PTPRD: variants seen among roughly 807,000 people sequenced by gnomAD.
PTPRD encodes the protein receptor-type tyrosine-protein phosphatase delta.
Under a neutral mutation model 214.5 loss-of-function variants are expected in PTPRD, and 34 were observed. The ratio of observed to expected loss-of-function variants is 0.16; its 90% confidence interval spans 0.12 to 0.21. The LOEUF is 0.21. Ranked by LOEUF, PTPRD falls within the 10% of genes least tolerant of loss-of-function variation. The pLI, the probability that PTPRD is intolerant of heterozygous loss-of-function variation, is 1.00. For synonymous variants in PTPRD, 1,128 were observed against 845.7 expected (o/e 1.33, Z -5.79); for missense variants, 2,545 against 2,398.7 (o/e 1.06, Z -1.27).
intron 8 of PTPRD, among the ~76,000 whole-genome samples, chr9:9,519,917 T>C (rs1360880819): frequency 6.6e-6 from 1 of 152,054 alleles, no homozygotes; most frequent in Non-Finnish European, 1.5e-5. Context: ...TCACATCTTA[T>C]AAAGTTACTG....
At chr9:9,905,636 A>G (rs1464862130) in intron 5 of PTPRD, among the ~76,000 whole-genome samples, 2 of 152,024 alleles carry the variant, frequency 1.3e-5, no homozygotes, top group African/African-American at 4.8e-5. Context: ...GACATGCTAT[A>G]AAACTCAGCA....
intron 2 of PTPRD, among the ~76,000 whole-genome samples, chr9:10,489,974 C>T (rs1183872567): frequency 6.6e-6 from 1 of 152,146 alleles, no homozygotes. Flanking sequence ...TGAGTGCTCA[C>T]TTGATTTTTG....
intron 9 of PTPRD, among the ~76,000 whole-genome samples, chr9:9,252,368 A>G (rs1175894840): frequency 2.0e-5 from 3 of 152,062 alleles, no homozygotes; most frequent in African/African-American, 7.2e-5. Context: ...TTAAATTTGC[A>G]TAACACACCT....
At chr9:8,610,712 T>G (rs1001577052) in intron 14 of PTPRD, among the ~76,000 whole-genome samples, 2 of 152,212 alleles carry the variant, frequency 1.3e-5, no homozygotes, top group African/African-American at 4.8e-5. Flanking sequence ...ATTCACTGTT[T>G]GAAGTTACAG....
At chr9:9,804,681 G>T (rs978396034) in intron 5 of PTPRD, among the ~76,000 whole-genome samples, 1 of 151,846 alleles carries the variant, frequency 6.6e-6, no homozygotes, top group Non-Finnish European at 1.5e-5. Flanking sequence ...GAACATAAAG[G>T]CATTTAATCT....
intron 9 of PTPRD, among the ~76,000 whole-genome samples, chr9:9,272,692 T>C (rs1943434485): frequency 6.6e-6 from 1 of 151,352 alleles, no homozygotes; most frequent in Admixed American, 6.6e-5. Context: ...TGCCTACTCT[T>C]ATTACTCCTT....
chr9:10,586,018 T>A (rs934786850), intron 2 of PTPRD, among the ~76,000 whole-genome samples: 2 of 152,062 alleles, frequency 1.3e-5, no homozygotes, highest in African/African-American at 4.8e-5. Flanking sequence ...AAATGTTGTA[T>A]GAGAAATTCA....
chr9:9,972,955 A>G (rs952998563), intron 4 of PTPRD, among the ~76,000 whole-genome samples: 1 of 152,128 alleles, frequency 6.6e-6, no homozygotes, highest in Non-Finnish European at 1.5e-5. Flanking sequence ...TAGCATATTC[A>G]CAGGTTCTTA....
rs1197262900 is a variant in PTPRD at position 8,317,728 on chromosome 9, T to TTTAA, written c.*142_*145dup. Reference sequence around the variant, plus strand: ...CTTGGTCCACCTGGAATAATTTGTTTTTAATTTGTTTTGTGTGTAATAGTC... The same window carrying TTTAA: ...CTTGGTCCACCTGGAATAATTTGTTTTTAATTAATTTGTTTTGTGTGTAATAGTC... On this transcript the variant is annotated 3_prime_UTR_variant, in exon 46 of 46. Coordinates refer to ENST00000381196, the MANE Select transcript of PTPRD (RefSeq NM_002839.4). The TTTAA allele has an allele frequency of 6.6e-6, 4 of 602,548 alleles. No individual in the cohort carries two copies. Among genetic ancestry groups the TTTAA allele is most frequent in the Middle Eastern group, 3.2e-4 (1 of 3,078 alleles). The allele number at this position is 602,548 out of a possible 1,614,324, so 37.3% of individuals were successfully genotyped here. A position where few individuals can be genotyped will look rare whatever the true frequency, so the allele number is the denominator to read the frequency against.
intron 6 of PTPRD, among the ~76,000 whole-genome samples, chr9:9,744,979 T>C (rs2098442893): frequency 6.6e-6 from 1 of 152,102 alleles, no homozygotes; most frequent in African/African-American, 2.4e-5. Flanking sequence ...TTGAATCTCA[T>C]TTCCATAATC....
At chr9:9,836,245 C>G (rs1199187097) in intron 5 of PTPRD, among the ~76,000 whole-genome samples, 1 of 152,080 alleles carries the variant, frequency 6.6e-6, no homozygotes, top group African/African-American at 2.4e-5. Context: ...TATGAGTGCT[C>G]CATGTACAAG....
At chr9:8,731,991 A>C (rs1202234418) in intron 12 of PTPRD, among the ~76,000 whole-genome samples, 5 of 152,234 alleles carry the variant, frequency 3.3e-5, no homozygotes, top group Non-Finnish European at 7.3e-5. Flanking sequence ...ATCACAAAAC[A>C]TACAGCATGA....
At chr9:8,322,933 C>T (rs1041182113) in intron 44 of PTPRD, among the ~76,000 whole-genome samples, 2 of 152,074 alleles carry the variant, frequency 1.3e-5, no homozygotes, top group Non-Finnish European at 2.9e-5. Context: ...AATCCTAGGG[C>T]TCTCAAGAAT....
intron 3 of PTPRD, among the ~76,000 whole-genome samples, chr9:10,043,737 A>C (rs976929484): frequency 6.6e-6 from 1 of 151,876 alleles, no homozygotes; most frequent in Non-Finnish European, 1.5e-5. Context: ...CTAGGTAAGG[A>C]TGAAGCCACT....
At chr9:9,541,492 T>C (rs546829896) in intron 8 of PTPRD, among the ~76,000 whole-genome samples, 1 of 151,936 alleles carries the variant, frequency 6.6e-6, no homozygotes, top group East Asian at 1.9e-4. Context: ...AGAGCAGAAA[T>C]GCCTGAACAA....
chr9:9,286,608 A>G (rs1041981852), intron 9 of PTPRD, among the ~76,000 whole-genome samples: 6 of 151,634 alleles, frequency 4.0e-5, no homozygotes, highest in African/African-American at 1.4e-4. Context: ...CTCAAATAAA[A>G]CATGCTCTAT....
At chr9:10,562,025 G>T (rs1243754628) in intron 2 of PTPRD, among the ~76,000 whole-genome samples, 1 of 152,138 alleles carries the variant, frequency 6.6e-6, no homozygotes, top group Non-Finnish European at 1.5e-5. Flanking sequence ...AGTAATGAAA[G>T]AAAGTATAAT....
intron 7 of PTPRD, among the ~76,000 whole-genome samples, chr9:9,592,411 A>G (rs1479932655): frequency 1.3e-5 from 2 of 152,108 alleles, no homozygotes; most frequent in Non-Finnish European, 2.9e-5. Context: ...TTATATGTTC[A>G]TATACAATAT....
intron 14 of PTPRD, among the ~76,000 whole-genome samples, chr9:8,616,751 G>T (rs1053387002): frequency 6.6e-6 from 1 of 152,126 alleles, no homozygotes; most frequent in African/African-American, 2.4e-5. Flanking sequence ...GATAAAGACT[G>T]CCGATGTTAT....
Sources: gnomAD v4.1 joint callset for allele counts (sites outside exome capture counted in the v4.1 genomes callset) on GRCh38, gnomAD v4.1.1 for gene constraint, MANE v1.5 for transcripts, NCBI Gene and HGNC (gene_info 2026-07-23, HGNC 2026-07-21) for gene names.